The following TNIK variants were observed in gnomAD, a reference collection of about 807,000 sequenced individuals.
The protein encoded by TNIK is TRAF2 and NCK-interacting protein kinase.
In TNIK, 49 loss-of-function variants were observed where a neutral mutation model predicts 191.3. The observed-to-expected ratio is 0.26, with a 90% CI of 0.20 to 0.32. The LOEUF (loss-of-function observed/expected upper bound fraction) is 0.32. TNIK is among the 10% of genes least tolerant of loss of function. The probability of loss-of-function intolerance (pLI) is 1.00; values close to 1 mark genes in which losing one functional copy is unlikely to be tolerated. For missense variants in TNIK, 1,155 were observed against 1,702.3 expected, an observed-to-expected ratio of 0.68 and a Z score of 5.66; for synonymous variants, 594 against 600.9, an observed-to-expected ratio of 0.99 and a Z score of 0.17.
intron 2 of TNIK, among the ~76,000 whole-genome samples, chr3:171,315,248 A>ACCACACGGGCCATTATT (rs1281849192): frequency 2.6e-5 from 4 of 152,154 alleles, no homozygotes; most frequent in Non-Finnish European, 5.9e-5. Context: ...TCTAAAGACA[A>ACCACACGGGCCATTATT]CCACACGGGC....
At chr3:171,207,096 G>A (rs1440768156) in intron 4 of TNIK, among the ~76,000 whole-genome samples, 1 of 151,862 alleles carries the variant, frequency 6.6e-6, no homozygotes, top group Non-Finnish European at 1.5e-5. Context: ...CTATAAAATA[G>A]CTATCATTCC....
chr3:171,188,132 T>G (rs1263864969), intron 7 of TNIK, among the ~76,000 whole-genome samples: 1 of 152,218 alleles, frequency 6.6e-6, no homozygotes, highest in African/African-American at 2.4e-5. Flanking sequence ...ATTAGCAAAT[T>G]TCTAGTTTAT....
intron 1 of TNIK, among the ~76,000 whole-genome samples, chr3:171,456,607 G>A (rs1728823953): frequency 6.6e-6 from 1 of 152,198 alleles, no homozygotes; most frequent in African/African-American, 2.4e-5. Context: ...GGACAACCAT[G>A]TGTCCTAGGT....
chr3:171,139,376 G>GCACA (rs1271020696), intron 14 of TNIK, 94 bp downstream of exon 14: 46 of 531,956 alleles, frequency 8.6e-5, no homozygotes, highest in Non-Finnish European at 1.2e-4. Flanking sequence ...ACACGCACGC[G>GCACA]CGCACACACA....
chr3:171,332,321 G>A (rs1756493150), intron 2 of TNIK, among the ~76,000 whole-genome samples: 1 of 152,040 alleles, frequency 6.6e-6, no homozygotes. Context: ...TTTGGCTATT[G>A]GAATTAGTTT....
chr3:171,247,534 C>T (rs564302883), intron 2 of TNIK, among the ~76,000 whole-genome samples: 30 of 151,974 alleles, frequency 2.0e-4, no homozygotes, highest in Non-Finnish European at 3.5e-4. Flanking sequence ...ACAAGGTTTT[C>T]GGGGGCCGGG....
At chr3:171,409,964 T>C (rs1722171855) in intron 1 of TNIK, among the ~76,000 whole-genome samples, 1 of 151,906 alleles carries the variant, frequency 6.6e-6, no homozygotes, top group South Asian at 2.1e-4. Flanking sequence ...TTGCTTTGCA[T>C]GTATATTATG....
At chr3:171,318,220 C>G (rs1292397386) in intron 2 of TNIK, among the ~76,000 whole-genome samples, 1 of 152,090 alleles carries the variant, frequency 6.6e-6, no homozygotes, top group Admixed American at 6.6e-5. Context: ...CTGCTGCTTT[C>G]CAGCCTTCTA....
intron 4 of TNIK, among the ~76,000 whole-genome samples, chr3:171,206,119 T>C (rs1411132694): frequency 6.6e-6 from 1 of 152,156 alleles, no homozygotes; most frequent in African/African-American, 2.4e-5. Flanking sequence ...TTGTTTGTAG[T>C]CTACAGCAAG....
At chr3:171,191,114 A>C (rs1408098573) in intron 5 of TNIK, among the ~76,000 whole-genome samples, 1 of 152,246 alleles carries the variant, frequency 6.6e-6, no homozygotes, top group Non-Finnish European at 1.5e-5. Flanking sequence ...TACTACTGTG[A>C]AAAGCGAAGT....
chr3:171,194,414 G>C, intron 5 of TNIK, 111 bp downstream of exon 5: 1 of 943,348 alleles, frequency 1.1e-6, no homozygotes, highest in East Asian at 2.4e-5. Context: ...AAGGGTTTTT[G>C]ATATGCTTAT....
At chr3:171,142,812 G>C (rs980251234) in intron 12 of TNIK, among the ~76,000 whole-genome samples, 6 of 152,222 alleles carry the variant, frequency 3.9e-5, no homozygotes, top group Middle Eastern at 6.8e-3. Context: ...GTACAGATCT[G>C]GATCCTGGCA....
rs530288570 is a variant in TNIK at position 171,142,350 on chromosome 3, G to T, written c.1222-1841C>A. Among the ~76,000 whole-genome samples the T allele has an allele frequency of 2.2e-4, 34 of 152,246 alleles. No individual in the cohort carries two copies. In the South Asian group the frequency reaches 7.1e-3, roughly 32 times the overall value. ...TAGGGCATCGATGATTTCAGCAAAG[G>T]CGGGATGAGAGTCCATGTTTATAAT... On this transcript the variant is annotated intron_variant, in intron 12 of 32. Transcript: ENST00000436636.
rs546771217 is a variant in TNIK at position 171,309,582 on chromosome 3, T to G, written c.123+60038A>C. Among the ~76,000 whole-genome samples the G allele has an allele frequency of 2.0e-5, 3 of 152,224 alleles. No homozygotes were observed. In the South Asian group the frequency reaches 6.2e-4, roughly 32 times the overall value. On this transcript the variant is annotated intron_variant, in intron 2 of 32. Transcript: ENST00000436636. ...AGTTTAAAAAAATGCTTCATTATAT[T>G]TAATAAACTCCCAATTACTGATCTT... is the stretch of plus-strand genomic sequence containing the variant.
At chr3:171,452,726 C>G (rs564888116) in intron 1 of TNIK, among the ~76,000 whole-genome samples, 1 of 111,492 alleles carries the variant, frequency 9.0e-6, no homozygotes, top group African/African-American at 4.5e-5. Context: ...GAAACACACT[C>G]CAAACACACA....
chr3:171,380,462 C>T (rs1717881267), intron 1 of TNIK, among the ~76,000 whole-genome samples: 1 of 152,174 alleles, frequency 6.6e-6, no homozygotes, highest in Admixed American at 6.5e-5. Flanking sequence ...CGGGACCATT[C>T]CCCCAGAGAT....
At chr3:171,107,806 T>C (rs1409820607) in intron 20 of TNIK, among the ~76,000 whole-genome samples, 1 of 152,230 alleles carries the variant, frequency 6.6e-6, no homozygotes, top group Non-Finnish European at 1.5e-5. Flanking sequence ...AATTATGGAA[T>C]GATAGGAGTT....
intron 22 of TNIK, among the ~76,000 whole-genome samples, chr3:171,095,763 T>C (rs1215179034): frequency 6.6e-6 from 1 of 152,176 alleles, no homozygotes; most frequent in Non-Finnish European, 1.5e-5. Flanking sequence ...GAAGCTTCCA[T>C]TGCAATTACT....
chr3:171,391,015 TA>T (rs750238300), intron 1 of TNIK, among the ~76,000 whole-genome samples: 20 of 152,338 alleles, frequency 1.3e-4, no homozygotes, highest in Non-Finnish European at 2.5e-4. Context: ...CTCCATTTCA[TA>T]ACAGAATAAA....
Sources: gnomAD v4.1 joint callset for allele counts (sites outside exome capture counted in the v4.1 genomes callset) on GRCh38, gnomAD v4.1.1 for gene constraint, MANE v1.5 for transcripts, NCBI Gene and HGNC (gene_info 2026-07-23, HGNC 2026-07-21) for gene names.